NCOR2: variants seen among roughly 807,000 people sequenced by gnomAD.
The protein encoded by NCOR2 is nuclear receptor corepressor 2.
NCOR2 carries 81 observed loss-of-function variants against 262.9 expected under a neutral mutation model. The observed-to-expected ratio is 0.31, with a 90% confidence interval of 0.26 to 0.37. NCOR2 has a LOEUF of 0.37. Among genes scored for constraint, NCOR2 ranks in the 10% least tolerant of loss-of-function variants. The pLI is 1.00. For synonymous variants in NCOR2, 1,659 were observed against 1,559.3 expected, an observed-to-expected ratio of 1.06 and a Z score of -1.51; for missense variants, 3,385 against 3,621.4, an observed-to-expected ratio of 0.93 and a Z score of 1.68.
At chr12:124,561,379 T>G (rs764087975) in intron 1 of NCOR2, among the ~76,000 whole-genome samples, 8 of 152,346 alleles carry the variant, frequency 5.3e-5, no homozygotes, top group Non-Finnish European at 1.2e-4. Context: ...AAGCCGTGAC[T>G]GCCTTGGGGA....
intron 22 of NCOR2, among the ~76,000 whole-genome samples, chr12:124,357,020 G>A (rs1255588542): frequency 6.6e-6 from 1 of 152,244 alleles, no homozygotes; most frequent in Non-Finnish European, 1.5e-5. Context: ...GCTCTCAGCT[G>A]CCGCTGAGGA....
rs1461340141 is a variant in NCOR2 at position 124,481,199 on chromosome 12, GAGGAAGGGC to G, written c.411+2388_411+2396del. 6.6e-6 allele frequency among the ~76,000 whole-genome samples: 1 copy of G among 151,902 alleles called. No homozygotes were observed. The highest frequency in any genetic ancestry group is 1.5e-5 in the Non-Finnish European group (1 of 67,926). The stretch of plus-strand genomic sequence containing the variant: ...AGGTGTAGAAGGAGAGAAGGAAGGG[GAGGAAGGGC>G]AGGAAGGATGTGCTGGAAGGGTTGG... On this transcript the variant is annotated intron_variant, in intron 3 of 46. Transcript: ENST00000405201. The surrounding 1 kb of genome is among the most constrained non-coding windows in gnomAD (Gnocchi z 4.6).
chr12:124,401,112 A>T (rs2041963787), intron 14 of NCOR2, among the ~76,000 whole-genome samples: 1 of 151,922 alleles, frequency 6.6e-6, no homozygotes, highest in Non-Finnish European at 1.5e-5. Context: ...TTGGGAAGCT[A>T]AGGTAGGGGG....
rs1565984684 is a variant in NCOR2, at chr12:124,483,318, C to A, written c.411+278G>T. 6.6e-6 allele frequency among the ~76,000 whole-genome samples: 1 copy of A among 152,314 alleles called. No homozygotes were observed. Among genetic ancestry groups the A allele is most frequent in the African/African-American group, 2.4e-5 (1 of 41,568 alleles). On this transcript the variant is annotated intron_variant, in intron 3 of 46. Transcript: ENST00000405201. The surrounding 1 kb of genome is among the most constrained non-coding windows in gnomAD (Gnocchi z 6.3). ...CTCCCCTCCCTCACGCCAGCTACCC[C>A]GTGACCACAAGCCTATTCCTGCCCC...
At chr12:124,388,876 G>A (rs1268130639) in intron 16 of NCOR2, 2 of 967,746 alleles carry the variant, frequency 2.1e-6, no homozygotes, top group African/African-American at 2.0e-5. Context: ...GAGGGAGGGA[G>A]GGAGGGAGGG....
At chr12:124,410,771 T>G (rs1593416511) in intron 13 of NCOR2, among the ~76,000 whole-genome samples, 1 of 151,958 alleles carries the variant, frequency 6.6e-6, no homozygotes, top group South Asian at 2.1e-4. Flanking sequence ...CGGCTGCCCC[T>G]CCCCAGGGAC....
intron 1 of NCOR2, among the ~76,000 whole-genome samples, chr12:124,546,215 G>A (rs2051538615): frequency 1.3e-5 from 2 of 152,168 alleles, no homozygotes; most frequent in African/African-American, 4.8e-5. Context: ...TAGAAACTCA[G>A]CTCACAGGGC....
intron 22 of NCOR2, among the ~76,000 whole-genome samples, chr12:124,357,811 C>A (rs577671820): frequency 1.3e-5 from 2 of 149,838 alleles, no homozygotes; most frequent in Admixed American, 6.7e-5. Context: ...TGTGTGTGCG[C>A]GCACGCGCGT....
At chr12:124,340,267 C>CG (rs748397534) in intron 36 of NCOR2, 27 bp downstream of exon 38, 6 of 1,607,110 alleles carry the variant, frequency 3.7e-6, no homozygotes, top group African/African-American at 1.3e-5. Flanking sequence ...AGTCCCGGAG[C>CG]GGGGGGTGGG....
rs954029617 is a variant in NCOR2 at position 124,378,663 on chromosome 12, G to A, written c.2020-279C>T. 6.6e-6 allele frequency among the ~76,000 whole-genome samples: 1 copy of A among 152,224 alleles called. No individual in the cohort carries two copies. Among genetic ancestry groups the A allele is most frequent in the Non-Finnish European group, 1.5e-5 (1 of 68,036 alleles). On this transcript the variant is annotated intron_variant, in intron 17 of 46. Coordinates refer to ENST00000405201, the Ensembl canonical transcript of NCOR2. The surrounding 1 kb of genome is among the most constrained non-coding windows in gnomAD (Gnocchi z 4.2). Reference sequence around the variant, plus strand: ...TTCCTGAGCACGAGAGAACCTGCCTGACATTGCCCAGGAGTCTCCTAGTCA... The same window carrying A: ...TTCCTGAGCACGAGAGAACCTGCCTAACATTGCCCAGGAGTCTCCTAGTCA...
chr12:124,533,141 C>CAG (rs1282910552), intron 1 of NCOR2, among the ~76,000 whole-genome samples: 1 of 151,144 alleles, frequency 6.6e-6, no homozygotes, highest in Non-Finnish European at 1.5e-5. Context: ...TTGTGAGGCC[C>CAG]AGGGCTTAGG....
intron 1 of NCOR2, among the ~76,000 whole-genome samples, chr12:124,528,591 T>C (rs1431766833): frequency 6.6e-6 from 1 of 152,216 alleles, no homozygotes; most frequent in Non-Finnish European, 1.5e-5. Context: ...CACTCAACAG[T>C]GCTCAGTGCC....
chr12:124,521,559 C>A (rs1376971553), intron 1 of NCOR2, among the ~76,000 whole-genome samples: 1 of 152,144 alleles, frequency 6.6e-6, no homozygotes, highest in Admixed American at 6.5e-5. Context: ...ATAGGTAAGT[C>A]CACAGAGGCA....
rs148916127 is a variant in NCOR2 at position 124,343,562 on chromosome 12, G to A, written c.4715-336C>T. ...AAGCTGACATTCAATGCGAGAGACA[G>A]GTGATAAACTAGCAAACAAATGAGA... On this transcript the variant is annotated intron_variant, in intron 32 of 46. Transcript: ENST00000405201. Among the ~76,000 whole-genome samples the A allele has an allele frequency of 3.1e-3, 467 of 152,234 alleles. 1 individual carries two copies. Among genetic ancestry groups the A allele is most frequent in the African/African-American group, 0.011 (445 of 41,542 alleles).
chr12:124,458,513 G>C (rs2045997861), intron 5 of NCOR2, among the ~76,000 whole-genome samples: 2 of 152,196 alleles, frequency 1.3e-5, no homozygotes, highest in African/African-American at 4.8e-5. Flanking sequence ...CAGCCTCAAG[G>C]TGCGGCTGGG....
chr12:124,527,469 G>A (rs1406734209), intron 1 of NCOR2, among the ~76,000 whole-genome samples: 2 of 151,862 alleles, frequency 1.3e-5, no homozygotes, highest in Non-Finnish European at 2.9e-5. Flanking sequence ...CCAGGCTGGA[G>A]TGCAGTGGCA....
chr12:124,404,649 C>T (rs377607003), intron 13 of NCOR2, among the ~76,000 whole-genome samples: 15 of 152,212 alleles, frequency 9.9e-5, no homozygotes, highest in South Asian at 6.2e-4. Flanking sequence ...CCCTGAGCTA[C>T]GAGCCTTCCC....
chr12:124,493,357 C>A (rs2136890444), intron 1 of NCOR2, among the ~76,000 whole-genome samples: 1 of 152,324 alleles, frequency 6.6e-6, no homozygotes, highest in East Asian at 1.9e-4. Flanking sequence ...GCAGGTACAG[C>A]AACAAGACCA....
At position 124,389,543 on chromosome 12, in the gene NCOR2, TC is replaced by T. The variant is rs1186361469; in HGVS notation, c.1877-3657del. 1.3e-4 allele frequency among the ~76,000 whole-genome samples: 20 copies of T among 152,280 alleles called. No homozygotes were observed. The highest frequency in any genetic ancestry group is 2.0e-4 in the Admixed American group (3 of 15,304). ...GGCAGACAGGGAGCAAACAGCTTCTTCCGCCATCATCCCCCGCCGCCCGTCC... is the reference window on the plus strand; with the variant it reads ...GGCAGACAGGGAGCAAACAGCTTCTTCGCCATCATCCCCCGCCGCCCGTCC... On this transcript the variant is annotated intron_variant, in intron 16 of 46. Coordinates refer to ENST00000405201, the Ensembl canonical transcript of NCOR2. The surrounding 1 kb of genome is among the most constrained non-coding windows in gnomAD (Gnocchi z 4.4).
Sources: allele counts gnomAD v4.1 joint callset (sites outside exome capture counted in the v4.1 genomes callset), GRCh38; gene constraint gnomAD v4.1.1; non-coding constraint Gnocchi (gnomAD v3.1); transcripts MANE v1.5; gene names NCBI Gene and HGNC (gene_info 2026-07-23, HGNC 2026-07-21).